Variants in ARMCX4 observed in about 807,000 individuals in gnomAD.
ARMCX4 encodes the protein armadillo repeat containing X-linked 4.
Under a neutral mutation model 34.7 loss-of-function variants are expected in ARMCX4, and 3 were observed. That is an observed-to-expected ratio of 0.09 (90% CI 0.04 to 0.22). The LOEUF is 0.22. ARMCX4 is among the 10% of genes least tolerant of loss of function. ARMCX4 has a pLI of 1.00. For synonymous variants in ARMCX4, 513 were observed against 632.8 expected (o/e 0.81, Z 2.84); for missense variants, 1,448 against 1,720.8 (o/e 0.84, Z 2.81).
chrX:101,515,753 T>C (rs1207510357), intron 11 of ARMCX4, among the ~76,000 whole-genome samples: 1 of 107,937 alleles, frequency 9.3e-6, no homozygotes, highest in Admixed American at 1.0e-4. Context: ...TGTTGGTCAA[T>C]CTGGTCTTGA....
intron 11 of ARMCX4, among the ~76,000 whole-genome samples, chrX:101,526,950 A>G (rs1439385405): frequency 8.9e-6 from 1 of 111,876 alleles, no homozygotes; most frequent in African/African-American, 3.3e-5. Flanking sequence ...AAGGATATCC[A>G]GGACTTGAAC....
At chrX:101,477,430 C>CAAAAAAAAAAAAAAAAAAAAAAAAAAAAA in intron 4 of ARMCX4, among the ~76,000 whole-genome samples, 1 of 12,496 alleles carries the variant, frequency 8.0e-5, no homozygotes, top group Non-Finnish European at 1.3e-4. Context: ...GACTCTGTCT[C>CAAAAAAAAAAAAAAAAAAAAAAAAAAAAA]AAAAAAAAAA....
chrX:101,453,990 T>C (rs1389990576), intron 4 of ARMCX4, among the ~76,000 whole-genome samples: 1 of 110,267 alleles, frequency 9.1e-6, no homozygotes, highest in Non-Finnish European at 1.9e-5. Flanking sequence ...AGATGTTGAG[T>C]AAGGTTTTAG....
Position 101,488,118 on chromosome X carries a change from C to T in ARMCX4, c.-147+19C>T. The T allele has an allele frequency of 1.3e-6, 1 of 747,483 alleles. No homozygotes were observed. Among genetic ancestry groups the T allele is most frequent in the East Asian group, 8.0e-5 (1 of 12,524 alleles). 61.6% of individuals were successfully genotyped at this position (747,483 alleles called of 1,213,427 possible). A position where few individuals can be genotyped will look rare whatever the true frequency, so the allele number is the denominator to read the frequency against. On this transcript the variant is annotated intron_variant, in intron 5 of 5. Transcript: ENST00000423738. ...ATTACAGGTTGGTATGAGGGTGGGG[C>T]CCTGTAGACAGGTGACCAGAGTAGG...
downstream of ARMCX4, among the ~76,000 whole-genome samples, chrX:101,449,022 G>C (rs782735717): frequency 9.8e-6 from 1 of 101,968 alleles, no homozygotes; most frequent in South Asian, 4.4e-4. Context: ...AGCAATTCTT[G>C]TGCCTCACCC....
chrX:101,530,322 C>A (rs1027177511), intron 11 of ARMCX4, among the ~76,000 whole-genome samples: 1 of 110,616 alleles, frequency 9.0e-6, no homozygotes, highest in South Asian at 3.9e-4. Context: ...CATCACACAC[C>A]GGAGCCTTCC....
intron 2 of ARMCX4, among the ~76,000 whole-genome samples, chrX:101,429,710 A>T (rs1358470743): frequency 9.0e-6 from 1 of 111,216 alleles, no homozygotes; most frequent in Admixed American, 9.6e-5. Flanking sequence ...TTAATTTCGG[A>T]TGGCTTTCTT....
rs1312289720 is a variant in ARMCX4, at chrX:101,490,980, T to C, written c.2391T>C (p.His797=). The change falls in exon 6 of 6, where the codon CAT becomes CAC. Residue 797 remains histidine (H), a synonymous_variant. Coordinates refer to ENST00000423738, the MANE Select transcript of ARMCX4 (RefSeq NM_001256155.3). ...SVQPQAVANS[H]CETLPGAKNK... is the part of the protein sequence containing the mutation. ...AGCCCCAGGCTGTGGCTAATTCCCA[T>C]TGTGAGACCTTGCCTGGTGCCAAGA... 5.3e-6 allele frequency: 6 copies of C among 1,127,695 alleles called. No homozygotes were observed. Among genetic ancestry groups the C allele is most frequent in the Admixed American group, 2.7e-5 (1 of 36,462 alleles). The allele number at this position is 1,127,695 out of a possible 1,213,427, so 92.9% of individuals were successfully genotyped here.
upstream of ARMCX4, among the ~76,000 whole-genome samples, chrX:101,484,992 T>A (rs1933625858): frequency 9.0e-6 from 1 of 111,377 alleles, no homozygotes; most frequent in South Asian, 3.8e-4. Context: ...GATACCCCCT[T>A]CCACAGCCCA....
At position 101,489,506 on chromosome X, in the gene ARMCX4, C is replaced by A; in HGVS notation, c.917C>A (p.Thr306Asn). 1 of 1,155,596 alleles carries A rather than the reference C, an allele frequency of 8.7e-7. No individual in the cohort carries two copies. The highest frequency in any genetic ancestry group is 1.9e-5 in the South Asian group (1 of 52,718). ...GTTGAGGACATGGGGAATTGTAAAA[C>A]CATGTCTAGGGCAGAGTCTGGGGCA... ...TGVEDMGNCKTMSRAESGADT... is the reference protein window; with the variant it reads ...TGVEDMGNCKNMSRAESGADT... Residue 306 changes from threonine to asparagine, a missense_variant, in exon 6 of 6, where the codon ACC (threonine) becomes AAC (asparagine). Thr to Asn is a moderately conservative substitution (Grantham distance 65). Transcript: ENST00000423738.
chrX:101,489,028 G>A lies in ARMCX4; in HGVS notation c.439G>A (p.Ala147Thr). Residue 147 changes from alanine to threonine, a missense_variant, in exon 6 of 6, where the codon GCA (alanine) becomes ACA (threonine). Transcript: ENST00000423738. The part of the protein sequence containing the change: ...AKAREVAMKE[A>T]VTQTDAEAGK... ...AGCCAGGGAAGTGGCCATGAAAGAA[G>A]CAGTGACCCAAACTGATGCTGAGGC... 8.6e-7 allele frequency: 1 copy of A among 1,156,404 alleles called. No individual in the cohort carries two copies. The highest frequency in any genetic ancestry group is 1.1e-6 in the Non-Finnish European group (1 of 873,110).
chrX:101,452,595 G>A (rs782765988), downstream of ARMCX4, among the ~76,000 whole-genome samples: 6 of 110,316 alleles, frequency 5.4e-5, no homozygotes, highest in East Asian at 5.7e-4. Flanking sequence ...TCACTCTGTC[G>A]CCTAGGCTGG....
intron 8 of ARMCX4, among the ~76,000 whole-genome samples, chrX:101,507,987 C>T (rs1372137379): frequency 3.6e-5 from 4 of 111,971 alleles, no homozygotes; most frequent in Non-Finnish European, 5.6e-5. Context: ...CAACACATTA[C>T]CTTTTCTATG....
intron 2 of ARMCX4, among the ~76,000 whole-genome samples, chrX:101,486,360 A>ATTT (rs1933714105): frequency 9.0e-6 from 1 of 111,078 alleles, no homozygotes; most frequent in Non-Finnish European, 1.9e-5. Context: ...TATTATTATT[A>ATTT]TTATTTTTTA....
At chrX:101,529,402 C>A (rs782180957) in intron 11 of ARMCX4, among the ~76,000 whole-genome samples, 1 of 111,841 alleles carries the variant, frequency 8.9e-6, no homozygotes, top group Non-Finnish European at 1.9e-5. Flanking sequence ...CTAGGCAATA[C>A]CATTCAGGAC....
At chrX:101,422,849 T>A (rs1427138200) in intron 2 of ARMCX4, among the ~76,000 whole-genome samples, 1 of 111,550 alleles carries the variant, frequency 9.0e-6, no homozygotes, top group Non-Finnish European at 1.9e-5. Context: ...ATTTCCTCAG[T>A]TATAATTTTG....
intron 9 of ARMCX4, chrX:101,509,555 A>G (rs1165132141): frequency 9.0e-6 from 1 of 111,676 alleles, no homozygotes; most frequent in Admixed American, 9.6e-5. Flanking sequence ...AATTTGTGAA[A>G]TATCATTTCT....
At chrX:101,513,308 C>T (rs1236237263) in intron 11 of ARMCX4, among the ~76,000 whole-genome samples, 3 of 111,515 alleles carry the variant, frequency 2.7e-5, no homozygotes, top group East Asian at 5.6e-4. Context: ...TCTACCTTGG[C>T]ACCCATACAC....
intron 11 of ARMCX4, among the ~76,000 whole-genome samples, chrX:101,512,165 T>C (rs782723799): frequency 1.8e-5 from 2 of 111,085 alleles, no homozygotes; most frequent in African/African-American, 6.5e-5. Context: ...ATGGATCACT[T>C]GAGGTCAGGA....
Sources: gnomAD v4.1 joint callset for allele counts (sites outside exome capture counted in the v4.1 genomes callset) on GRCh38, gnomAD v4.1.1 for gene constraint, MANE v1.5 for transcripts, NCBI Gene and HGNC (gene_info 2026-07-23, HGNC 2026-07-21) for gene names.